The following CHN1 variants were observed in gnomAD, a reference collection of about 807,000 sequenced individuals.
CHN1 encodes the protein chimerin 1, also known as N-chimaerin.
A neutral mutation model predicts 59.5 loss-of-function variants in CHN1; 37 were observed. The observed-to-expected ratio is 0.62, with a 90% CI of 0.48 to 0.82. CHN1 has a LOEUF of 0.82. Ranked by LOEUF, CHN1 falls within the 40% of genes least tolerant of loss-of-function variation. The pLI is 0.00. For synonymous variants in CHN1, 206 were observed against 200.4 expected (o/e 1.03, Z -0.24); for missense variants, 469 against 571.0 (o/e 0.82, Z 1.82).
intron 1 of CHN1, among the ~76,000 whole-genome samples, chr2:174,960,977 G>GA (rs898504205): frequency 1.2e-4 from 17 of 147,524 alleles, no homozygotes; most frequent in South Asian, 4.3e-4. Flanking sequence ...AAGACAAAAA[G>GA]AAAAAAAAAA....
intron 5 of CHN1, among the ~76,000 whole-genome samples, chr2:174,904,160 G>A (rs1008025884): frequency 1.3e-5 from 2 of 151,884 alleles, no homozygotes; most frequent in Admixed American, 6.6e-5. Context: ...CTACTCGGGA[G>A]GCTGAGGCAG....
chr2:174,896,633 A>G (rs1688224987), intron 5 of CHN1, among the ~76,000 whole-genome samples: 1 of 152,176 alleles, frequency 6.6e-6, no homozygotes, highest in African/African-American at 2.4e-5. Flanking sequence ...CACAATTTTT[A>G]GAAAGACACA....
chr2:174,893,180 A>C (rs2105348878), intron 5 of CHN1, among the ~76,000 whole-genome samples: 1 of 152,278 alleles, frequency 6.6e-6, no homozygotes, highest in African/African-American at 2.4e-5. Flanking sequence ...AAGTAAAATT[A>C]CCTCTGTTCA....
chr2:174,987,322 T>C (rs1411870108), intron 1 of CHN1, among the ~76,000 whole-genome samples: 2 of 152,108 alleles, frequency 1.3e-5, no homozygotes, highest in Non-Finnish European at 2.9e-5. Flanking sequence ...AGAGGAAATA[T>C]TAACATTCTA....
intron 6 of CHN1, among the ~76,000 whole-genome samples, chr2:174,848,533 A>C (rs1312659755): frequency 1.3e-5 from 2 of 152,192 alleles, no homozygotes; most frequent in African/African-American, 4.8e-5. Flanking sequence ...CTGTATTTAA[A>C]GCATCTAAAA....
intron 5 of CHN1, among the ~76,000 whole-genome samples, chr2:174,908,951 A>T (rs1688616521): frequency 6.6e-6 from 1 of 152,188 alleles, no homozygotes; most frequent in South Asian, 2.1e-4. Context: ...TGCTGACCTA[A>T]AGTCAGTTTG....
chr2:174,921,909 G>C (rs2105377141), intron 3 of CHN1, among the ~76,000 whole-genome samples: 1 of 152,292 alleles, frequency 6.6e-6, no homozygotes, highest in South Asian at 2.1e-4. Context: ...GATAAGATTT[G>C]GGTGAGGACA....
chr2:174,867,095 C>T (rs1687240521), intron 6 of CHN1, among the ~76,000 whole-genome samples: 2 of 148,846 alleles, frequency 1.3e-5, no homozygotes, highest in Admixed American at 6.7e-5. Context: ...ACTTAAGGGC[C>T]AGGAGCAGTG....
At chr2:174,908,759 A>C (rs1208203824) in intron 5 of CHN1, among the ~76,000 whole-genome samples, 1 of 152,198 alleles carries the variant, frequency 6.6e-6, no homozygotes, top group Non-Finnish European at 1.5e-5. Context: ...CAGAATCTGG[A>C]GAATTATTTC....
chr2:174,975,637 C>CA (rs893961038), intron 1 of CHN1, among the ~76,000 whole-genome samples: 10 of 117,162 alleles, frequency 8.5e-5, no homozygotes, highest in African/African-American at 1.4e-4. Flanking sequence ...TTTAGCCAGG[C>CA]AAAAAAAACA....
At chr2:174,970,117 A>C (rs1163244983) in intron 1 of CHN1, among the ~76,000 whole-genome samples, 1 of 152,166 alleles carries the variant, frequency 6.6e-6, no homozygotes, top group Non-Finnish European at 1.5e-5. Flanking sequence ...GCAGTTTTAA[A>C]GTATTGGTTT....
chr2:174,982,259 C>T (rs1252622808), intron 1 of CHN1, among the ~76,000 whole-genome samples: 1 of 152,182 alleles, frequency 6.6e-6, no homozygotes, highest in Non-Finnish European at 1.5e-5. Flanking sequence ...AATAAACATA[C>T]ATGTGCATGT....
At chr2:174,862,431 C>G (rs1687097730) in intron 6 of CHN1, among the ~76,000 whole-genome samples, 1 of 151,796 alleles carries the variant, frequency 6.6e-6, no homozygotes, top group Non-Finnish European at 1.5e-5. Context: ...CTCCCGGGTT[C>G]AAGCAATTCT....
chr2:174,847,566 T>C, intron 6 of CHN1: 2 of 1,271,400 alleles, frequency 1.6e-6, no homozygotes, highest in Non-Finnish European at 2.0e-6. Flanking sequence ...AATCAGTTTC[T>C]AGCAACAGAC....
In CHN1 at chr2:174,800,276, T is replaced by C. The variant is rs1302801148; in HGVS notation, c.1220A>G (p.His407Arg). The C allele has an allele frequency of 2.1e-6, 3 of 1,436,258 alleles. No homozygotes were observed. Among genetic ancestry groups the C allele is most frequent in the Non-Finnish European group, 2.7e-6 (3 of 1,093,122 alleles). The allele number at this position is 1,436,258 out of a possible 1,614,324, so 89.0% of individuals were successfully genotyped here. The change falls in exon 13 of 13, where the codon CAC (histidine) becomes CGC (arginine). Residue 407 changes from histidine (H) to arginine (R), a missense_variant. His to Arg is a conservative substitution (Grantham distance 29, BLOSUM62 0). This residue lies in a region of CHN1 where 225 missense variants were observed against 289.9 expected (regional missense o/e 0.78). Coordinates refer to ENST00000409900, the MANE Select transcript of CHN1 (RefSeq NM_001822.7). ...TGCATTCATAAGATTCTCCTTTTCGTGGAGGGTCACTCTGAAAAATGCAAG... is the reference window on the plus strand; with the variant it reads ...TGCATTCATAAGATTCTCCTTTTCGCGGAGGGTCACTCTGAAAAATGCAAG... ...LMAHLKRVTL[H>R]EKENLMNAEN...
At chr2:174,996,556 GA>G (rs1358848331) in intron 1 of CHN1, among the ~76,000 whole-genome samples, 1 of 152,158 alleles carries the variant, frequency 6.6e-6, no homozygotes, top group Non-Finnish European at 1.5e-5. Context: ...ATTGACACTA[GA>G]ACATATAGCT....
intron 6 of CHN1, among the ~76,000 whole-genome samples, chr2:174,870,198 TGC>T (rs1687361535): frequency 6.6e-6 from 1 of 152,132 alleles, no homozygotes; most frequent in Non-Finnish European, 1.5e-5. Flanking sequence ...GTGAAAATAA[TGC>T]AGCATACTTT....
intron 7 of CHN1, among the ~76,000 whole-genome samples, chr2:174,845,435 A>G (rs1686474791): frequency 6.6e-6 from 1 of 152,086 alleles, no homozygotes; most frequent in Non-Finnish European, 1.5e-5. Context: ...ATATCATGCA[A>G]AAAGAAACTG....
At chr2:174,845,783 G>C (rs890621867) in intron 7 of CHN1, among the ~76,000 whole-genome samples, 4 of 23,096 alleles carry the variant, frequency 1.7e-4, no homozygotes, top group Admixed American at 1.6e-3. Context: ...CATATGGGTG[G>C]GGGGGGGGGT....
Sources: allele counts gnomAD v4.1 joint callset (sites outside exome capture counted in the v4.1 genomes callset), GRCh38; gene constraint gnomAD v4.1.1; regional missense constraint gnomAD v4.1.1; transcripts MANE v1.5; gene names NCBI Gene and HGNC (gene_info 2026-07-23, HGNC 2026-07-21).